Variants in CDK12 observed in about 807,000 individuals in gnomAD.
CDK12 encodes the protein cyclin-dependent kinase 12.
A neutral mutation model predicts 133.8 loss-of-function variants in CDK12; 17 were observed. The observed-to-expected ratio is 0.13, with a 90% CI of 0.09 to 0.19. The LOEUF (loss-of-function observed/expected upper bound fraction) is 0.19. Among genes scored for constraint, CDK12 ranks in the 10% least tolerant of loss-of-function variants. The pLI is 1.00. For synonymous variants in CDK12, 694 were observed against 683.6 expected (o/e 1.02, Z -0.24); for missense variants, 1,508 against 1,818.7 (o/e 0.83, Z 3.11).
chr17:39,481,175 C>T (rs2050612172), intron 2 of CDK12, among the ~76,000 whole-genome samples: 1 of 151,200 alleles, frequency 6.6e-6, no homozygotes, highest in Non-Finnish European at 1.5e-5. Flanking sequence ...ATCCCTTGAA[C>T]TCGGGGGGCG....
intron 2 of CDK12, among the ~76,000 whole-genome samples, chr17:39,481,618 C>T (rs367927906): frequency 6.9e-6 from 1 of 145,928 alleles, no homozygotes; most frequent in African/African-American, 2.7e-5. Flanking sequence ...CACTTATGTG[C>T]TTGCTCGCTC....
At chr17:39,506,377 G>T (rs888773980) in intron 6 of CDK12, among the ~76,000 whole-genome samples, 1 of 151,864 alleles carries the variant, frequency 6.6e-6, no homozygotes, top group Non-Finnish European at 1.5e-5. Context: ...ACCACGCCTG[G>T]CTAATTTTTG....
intron 6 of CDK12, among the ~76,000 whole-genome samples, chr17:39,507,238 T>G (rs928753605): frequency 1.9e-4 from 28 of 150,282 alleles, no homozygotes; most frequent in Non-Finnish European, 7.4e-5. Context: ...ACTTCCACAC[T>G]TCATACTGAG....
At chr17:39,494,729 C>A in intron 5 of CDK12, 35 bp downstream of exon 5, 3 of 1,347,094 alleles carry the variant, frequency 2.2e-6, no homozygotes, top group Non-Finnish European at 3.0e-6. Flanking sequence ...ACAGGGTAGA[C>A]TGGTCCAATC....
In CDK12 at chr17:39,519,950, C is replaced by T; in HGVS notation, c.2964-6C>T. 2 of 1,613,554 alleles carry T rather than the reference C, an allele frequency of 1.2e-6. No individual in the cohort carries two copies. The highest frequency in any genetic ancestry group is 1.7e-6 in the Non-Finnish European group (2 of 1,179,726). On this transcript the variant is annotated splice_polypyrimidine_tract_variant and splice_region_variant and intron_variant, in intron 10 of 13. Transcript: ENST00000447079. ...GAACTTGTCCTTTCTGTGTTCTTTT[C>T]CATAGCATTCCTTCTGCAGCACTTG... is the stretch of plus-strand genomic sequence containing the variant.
chr17:39,471,713 G>T lies in CDK12; in HGVS notation c.1881G>T (p.Leu627Phe), dbSNP rs1224963497. The T allele has an allele frequency of 6.2e-7, 1 of 1,613,960 alleles. No individual in the cohort carries two copies. The highest frequency in any genetic ancestry group is 1.3e-5 in the African/African-American group (1 of 74,900). The part of the protein sequence containing the change: ...AAIPHLKTST[L>F]PPLPLPPLLP... ...TTCCACACCTGAAAACTTCAACGTT[G>T]CCTCCTTTGCCCCTCCCACCCTTAT... The change falls in exon 2 of 14, where the codon TTG becomes TTT. Residue 627 changes from leucine (L) to phenylalanine (F), a missense_variant. By Grantham distance (22) the Leu-to-Phe change is conservative. Around this residue, in one of 9 missense-constraint regions of CDK12, gnomAD observed 347 missense variants for 330.8 expected, o/e 1.05. Transcript: ENST00000447079.
rs757874486 is a variant in CDK12 at position 39,531,086 on chromosome 17, G to A, written c.4243G>A (p.Val1415Met). 1 of 1,597,732 alleles carries A rather than the reference G, an allele frequency of 6.3e-7. No homozygotes were observed. Among genetic ancestry groups the A allele is most frequent in the South Asian group, 1.1e-5 (1 of 88,546 alleles). Residue 1415 changes from valine to methionine, a missense_variant, in exon 14 of 14, where the codon GTG becomes ATG. Transcript: ENST00000447079. The part of the protein sequence containing the change: ...FARVPLALHP[V>M]VGQPFLKAEG... ...CAGGGTCCCCTTAGCGTTACACCCG[G>A]TGGTCGGGCAACCATTCCTGAAGGC...
At chr17:39,516,785 C>T (rs560481046) in intron 9 of CDK12, among the ~76,000 whole-genome samples, 41 of 151,590 alleles carry the variant, frequency 2.7e-4, no homozygotes, top group African/African-American at 9.9e-4. Flanking sequence ...GCCTCAGCCT[C>T]CCGAGTAGCT....
At chr17:39,524,159 G>A (rs1487069766) in intron 11 of CDK12, among the ~76,000 whole-genome samples, 1 of 152,200 alleles carries the variant, frequency 6.6e-6, no homozygotes, top group Admixed American at 6.5e-5. Context: ...TAGAAATTCT[G>A]TGGGCAGAAA....
rs529053156 is a variant in CDK12 at position 39,466,562 on chromosome 17, C to T, written c.1046+3445C>T. The stretch of plus-strand genomic sequence containing the variant: ...CCAGGAGGAGGAGGTTGAGGTGAGC[C>T]GCGATTGCAATAATTGCACTCCATC... On this transcript the variant is annotated intron_variant, in intron 1 of 13. Coordinates refer to ENST00000447079, the MANE Select transcript of CDK12 (RefSeq NM_016507.4). 3.3e-5 allele frequency among the ~76,000 whole-genome samples: 4 copies of T among 121,926 alleles called. No homozygotes were observed. The South Asian group carries it at 8.5e-4, about 26-fold the overall frequency. 80.0% of individuals were successfully genotyped at this position (121,926 alleles called of 152,430 possible).
intron 3 of CDK12, among the ~76,000 whole-genome samples, chr17:39,562,889 TTC>T (rs1567826944): frequency 6.2e-5 from 3 of 48,282 alleles, no homozygotes; most frequent in South Asian, 1.6e-3. Flanking sequence ...TCCTTTTTTT[TTC>T]TTTTTCTTTT....
chr17:39,538,483 G>T (rs1598213288), downstream of CDK12, among the ~76,000 whole-genome samples: 2 of 152,354 alleles, frequency 1.3e-5, no homozygotes, highest in East Asian at 3.9e-4. Flanking sequence ...TTGCGAGAAA[G>T]AAGGGAGAGA....
At chr17:39,503,147 A>G (rs2052848903) in intron 6 of CDK12, among the ~76,000 whole-genome samples, 1 of 152,166 alleles carries the variant, frequency 6.6e-6, no homozygotes, top group Non-Finnish European at 1.5e-5. Flanking sequence ...GCAGGATTTC[A>G]CTGCAACCTC....
chr17:39,481,634 CTCTCTCTCTCTCTCTCTCTCT>C (rs2050677465), intron 2 of CDK12, among the ~76,000 whole-genome samples: 1 of 3,908 alleles, frequency 2.6e-4, no homozygotes, highest in African/African-American at 7.5e-4. Context: ...CGCTCGCGCG[CTCTCTCTCTCTCTCTCTCTCT>C]CTCTCTCTCT....
intron 2 of CDK12, among the ~76,000 whole-genome samples, chr17:39,479,887 A>G (rs1051511043): frequency 2.0e-5 from 3 of 148,580 alleles, no homozygotes; most frequent in African/African-American, 7.5e-5. Context: ...TTGGCCTCCC[A>G]AAGTCCTGGG....
chr17:39,536,307 TG>T (rs965949160), downstream of CDK12, among the ~76,000 whole-genome samples: 2 of 152,224 alleles, frequency 1.3e-5, no homozygotes, highest in South Asian at 4.1e-4. Flanking sequence ...TTCATTGTTT[TG>T]AAAGGTAATG....
chr17:39,550,018 C>G (rs1453367581), upstream of CDK12: 1 of 152,216 alleles, frequency 6.6e-6, no homozygotes, highest in Non-Finnish European at 1.5e-5. Context: ...CTGTCTCTCT[C>G]TCTCTCTCTC....
At chr17:39,483,603 G>A (rs999493514) in intron 2 of CDK12, among the ~76,000 whole-genome samples, 1 of 151,158 alleles carries the variant, frequency 6.6e-6, no homozygotes, top group African/African-American at 2.5e-5. Flanking sequence ...AGGGGAAGGA[G>A]ATAAAGGATT....
At chr17:39,505,669 T>C (rs2053069289) in intron 6 of CDK12, among the ~76,000 whole-genome samples, 1 of 152,214 alleles carries the variant, frequency 6.6e-6, no homozygotes, top group Non-Finnish European at 1.5e-5. Flanking sequence ...TTATGTACCA[T>C]TGACCGTTGA....
Sources: allele counts gnomAD v4.1 joint callset (sites outside exome capture counted in the v4.1 genomes callset), GRCh38; gene constraint gnomAD v4.1.1; regional missense constraint gnomAD v4.1.1; transcripts MANE v1.5; gene names NCBI Gene and HGNC (gene_info 2026-07-23, HGNC 2026-07-21).